Variants in MBD5 observed in about 807,000 individuals in gnomAD.
MBD5 encodes the protein methyl-CpG-binding domain protein 5.
In MBD5, 13 loss-of-function variants were observed where a neutral mutation model predicts 117.3. The observed-to-expected ratio is 0.11, with a 90% CI of 0.07 to 0.18. The LOEUF (loss-of-function observed/expected upper bound fraction) is 0.18. MBD5 is among the 10% of genes least tolerant of loss of function. The probability of loss-of-function intolerance (pLI) is 1.00; values close to 1 mark genes in which losing one functional copy is unlikely to be tolerated. For synonymous variants in MBD5, 727 were observed against 766.4 expected, an observed-to-expected ratio of 0.95 and a Z score of 0.85; for missense variants, 1,879 against 2,093.8, an observed-to-expected ratio of 0.90 and a Z score of 2.00.
chr2:148,099,557 G>T (rs1696152540), intron 1 of MBD5, among the ~76,000 whole-genome samples: 1 of 152,108 alleles, frequency 6.6e-6, no homozygotes, highest in Non-Finnish European at 1.5e-5. Context: ...AGGTTCTACA[G>T]ACTTGGGTAA....
intron 4 of MBD5, among the ~76,000 whole-genome samples, chr2:148,419,834 A>C (rs1237764135): frequency 6.6e-6 from 1 of 152,094 alleles, no homozygotes. Context: ...TATTTCTATT[A>C]ATCATACCCC....
intron 3 of MBD5, among the ~76,000 whole-genome samples, chr2:148,259,986 G>A (rs1396621171): frequency 6.6e-6 from 1 of 152,154 alleles, no homozygotes; most frequent in African/African-American, 2.4e-5. Flanking sequence ...TCTTATTAGC[G>A]AGGGGTTTAG....
intron 3 of MBD5, among the ~76,000 whole-genome samples, chr2:148,320,162 ATT>A (rs35583438): frequency 2.0e-5 from 3 of 151,896 alleles, no homozygotes; most frequent in African/African-American, 4.8e-5. Context: ...TTTGTAGAAG[ATT>A]TTTGCATGTA....
intron 1 of MBD5, among the ~76,000 whole-genome samples, chr2:148,144,839 T>G (rs1202425275): frequency 6.6e-6 from 1 of 152,224 alleles, no homozygotes; most frequent in Non-Finnish European, 1.5e-5. Flanking sequence ...CATGCTGTTT[T>G]GGTTACTGTA....
chr2:148,488,526 T>C (rs1177060634), intron 10 of MBD5, among the ~76,000 whole-genome samples: 1 of 151,902 alleles, frequency 6.6e-6, no homozygotes, highest in African/African-American at 2.4e-5. Flanking sequence ...GAGAGGCTGA[T>C]GTGTCGACAG....
At chr2:148,091,850 A>C (rs1423543057) in intron 1 of MBD5, among the ~76,000 whole-genome samples, 2 of 152,214 alleles carry the variant, frequency 1.3e-5, no homozygotes, top group Admixed American at 1.3e-4. Flanking sequence ...TGCACAGCAG[A>C]AGAAGTAATT....
intron 1 of MBD5, among the ~76,000 whole-genome samples, chr2:148,117,264 G>T (rs1255066453): frequency 6.6e-6 from 1 of 151,360 alleles, no homozygotes; most frequent in Non-Finnish European, 1.5e-5. Context: ...AGCTTTTATA[G>T]AATTTCAATA....
chr2:148,316,963 A>T (rs909114987), intron 3 of MBD5, among the ~76,000 whole-genome samples: 3 of 152,204 alleles, frequency 2.0e-5, no homozygotes, highest in Admixed American at 6.5e-5. Context: ...AAAGTTACAC[A>T]TCTTCACTTA....
At chr2:148,383,692 A>G (rs1240066217) in intron 4 of MBD5, among the ~76,000 whole-genome samples, 1 of 152,164 alleles carries the variant, frequency 6.6e-6, no homozygotes, top group Non-Finnish European at 1.5e-5. Flanking sequence ...CTTGATGAAC[A>G]TTGATGCAAA....
chr2:148,087,450 A>G (rs982389102), intron 1 of MBD5, among the ~76,000 whole-genome samples: 2 of 152,174 alleles, frequency 1.3e-5, no homozygotes, highest in Non-Finnish European at 2.9e-5. Flanking sequence ...TCTACAACCA[A>G]TTACAGAGTC....
At chr2:148,025,433 A>T (rs1693865263) in intron 1 of MBD5, 1 of 151,998 alleles carries the variant, frequency 6.6e-6, no homozygotes, top group Non-Finnish European at 1.5e-5. Flanking sequence ...TATAGTTAAC[A>T]CATTTTAGAC....
At chr2:148,427,093 C>T (rs948545217) in intron 4 of MBD5, among the ~76,000 whole-genome samples, 1 of 152,112 alleles carries the variant, frequency 6.6e-6, no homozygotes, top group Non-Finnish European at 1.5e-5. Flanking sequence ...AAATCAAAAC[C>T]ACAATGAGAT....
chr2:148,049,611 G>C (rs577504814), intron 1 of MBD5, among the ~76,000 whole-genome samples: 1 of 152,006 alleles, frequency 6.6e-6, no homozygotes, highest in Admixed American at 6.6e-5. Flanking sequence ...CAATTCCTTG[G>C]TTTTCAGCAT....
chr2:148,471,849 C>T (rs1228368809), intron 8 of MBD5: 5 of 152,034 alleles, frequency 3.3e-5, no homozygotes, highest in East Asian at 1.9e-4. Flanking sequence ...CAGCTTTTCA[C>T]TCACTCATCA....
intron 4 of MBD5, among the ~76,000 whole-genome samples, chr2:148,445,252 C>T (rs1706454106): frequency 6.6e-6 from 1 of 150,622 alleles, no homozygotes; most frequent in Non-Finnish European, 1.5e-5. Flanking sequence ...TCGTCATTTA[C>T]ATTAGGTGTA....
intron 3 of MBD5, among the ~76,000 whole-genome samples, chr2:148,329,138 T>C (rs1011945839): frequency 3.3e-5 from 5 of 152,176 alleles, no homozygotes; most frequent in Non-Finnish European, 5.9e-5. Flanking sequence ...TAAAGGATCC[T>C]AACCTGGAGA....
chr2:148,166,605 G>C (rs1005058927), intron 1 of MBD5, among the ~76,000 whole-genome samples: 1 of 152,124 alleles, frequency 6.6e-6, no homozygotes, highest in Non-Finnish European at 1.5e-5. Flanking sequence ...GGATACTGCT[G>C]TTCTTCTGTG....
At chr2:148,252,135 G>C (rs917860299) in intron 3 of MBD5, among the ~76,000 whole-genome samples, 4 of 152,078 alleles carry the variant, frequency 2.6e-5, no homozygotes, top group African/African-American at 9.7e-5. Flanking sequence ...TAGAACAAAG[G>C]CTTTTGCTGT....
chr2:148,389,272 A>AACATT, intron 4 of MBD5, among the ~76,000 whole-genome samples: 2 of 78,104 alleles, frequency 2.6e-5, no homozygotes, highest in Non-Finnish European at 4.9e-5. Context: ...ATATATATAT[A>AACATT]TATATATATA....
Sources: gnomAD v4.1 joint callset for allele counts (sites outside exome capture counted in the v4.1 genomes callset) on GRCh38, gnomAD v4.1.1 for gene constraint, MANE v1.5 for transcripts, NCBI Gene and HGNC (gene_info 2026-07-23, HGNC 2026-07-21) for gene names.